DPP8: variants seen among roughly 807,000 people sequenced by gnomAD.
DPP8 encodes the protein DPP VIII.
A neutral mutation model predicts 107.5 loss-of-function variants in DPP8; 31 were observed. That is an observed-to-expected ratio of 0.29 (90% confidence interval 0.22 to 0.39). The LOEUF (loss-of-function observed/expected upper bound fraction) is 0.39. Among genes scored for constraint, DPP8 ranks in the 10% least tolerant of loss-of-function variants. The probability of loss-of-function intolerance (pLI) is 1.00; values close to 1 mark genes in which losing one functional copy is unlikely to be tolerated. For missense variants in DPP8, 842 were observed against 1,076.1 expected (o/e 0.78, Z 3.04); for synonymous variants, 381 against 356.6 (o/e 1.07, Z -0.77).
At position 65,507,656 on chromosome 15, in the gene DPP8, T is replaced by TAAA. The variant is rs746039694; in HGVS notation, c.260-304_260-302dup. Among the ~76,000 whole-genome samples, 34 of 105,230 alleles carry TAAA rather than the reference T, an allele frequency of 3.2e-4. No homozygotes were observed. In the East Asian group the frequency reaches 4.5e-3, roughly 14 times the overall value. The allele number at this position is 105,230 out of a possible 152,430, so 69.0% of individuals were successfully genotyped here. ...TGGGTAACATAGCAAGATCCCAACTTAAAAAAAAAAAAAAAAAAAAGAAAT... is the reference window on the plus strand; with the variant it reads ...TGGGTAACATAGCAAGATCCCAACTTAAAAAAAAAAAAAAAAAAAAAAAGAAAT... On this transcript the variant is annotated intron_variant, in intron 2 of 19. Coordinates refer to ENST00000300141, the MANE Select transcript of DPP8 (RefSeq NM_130434.5).
intron 15 of DPP8, among the ~76,000 whole-genome samples, chr15:65,457,348 T>C (rs1468611041): frequency 1.3e-5 from 2 of 151,920 alleles, no homozygotes; most frequent in Admixed American, 6.6e-5. Context: ...ACAGTGAGAC[T>C]CTGTCTCAAA....
chr15:65,485,536 C>T (rs1174120617), intron 7 of DPP8, among the ~76,000 whole-genome samples: 1 of 120,614 alleles, frequency 8.3e-6, no homozygotes, highest in Non-Finnish European at 1.6e-5. Context: ...AAGAGCGAGA[C>T]TCCATCTCAA....
chr15:65,460,128 A>T (rs1042185333), intron 15 of DPP8, among the ~76,000 whole-genome samples: 1 of 152,096 alleles, frequency 6.6e-6, no homozygotes, highest in African/African-American at 2.4e-5. Context: ...TTCATCACCC[A>T]AACAGAAATT....
Position 65,503,914 on chromosome 15 carries a change from C to T in DPP8, c.373-3135G>A, listed in dbSNP as rs139012754. On this transcript the variant is annotated intron_variant, in intron 3 of 19. Transcript: ENST00000300141. ...TGCTGAGATTACAGGCATAAGCGACCGCACCTGGCCTTTTCTGTATTTTTT... is the reference window on the plus strand; with the variant it reads ...TGCTGAGATTACAGGCATAAGCGACTGCACCTGGCCTTTTCTGTATTTTTT... Among the ~76,000 whole-genome samples, 197 of 152,048 alleles carry T rather than the reference C, an allele frequency of 1.3e-3. 1 individual carries two copies. Among genetic ancestry groups the T allele is most frequent in the African/African-American group, 4.5e-3 (188 of 41,512 alleles).
At chr15:65,470,560 C>G (rs189741764) in intron 12 of DPP8, among the ~76,000 whole-genome samples, 35 of 145,180 alleles carry the variant, frequency 2.4e-4, no homozygotes, top group African/African-American at 8.8e-4. Context: ...GAGCCAACAT[C>G]GCACCATTGC....
At chr15:65,467,035 A>C in intron 13 of DPP8, 36 bp downstream of exon 13, 1 of 1,610,458 alleles carries the variant, frequency 6.2e-7, no homozygotes, top group East Asian at 2.2e-5. Context: ...GAGAGTTTTA[A>C]TATGACACAA....
At chr15:65,470,883 T>C (rs2065824783) in intron 12 of DPP8, among the ~76,000 whole-genome samples, 2 of 147,098 alleles carry the variant, frequency 1.4e-5, no homozygotes, top group South Asian at 2.1e-4. Flanking sequence ...CATGCCACTG[T>C]ACTCCAACCT....
At chr15:65,471,146 G>A (rs2065859877) in intron 12 of DPP8, among the ~76,000 whole-genome samples, 1 of 152,076 alleles carries the variant, frequency 6.6e-6, no homozygotes, top group African/African-American at 2.4e-5. Flanking sequence ...CATCAGTGTA[G>A]TTTTCTGTTT....
chr15:65,447,104 T>A, intron 19 of DPP8, 98 bp from the exon 20 acceptor site: 1 of 880,016 alleles, frequency 1.1e-6, no homozygotes, highest in South Asian at 1.8e-5. Flanking sequence ...GGATTAATAA[T>A]ACGAAGCACA....
Position 65,503,871 on chromosome 15 carries a change from C to T in DPP8, c.373-3092G>A, listed in dbSNP as rs541403319. 1.4e-3 allele frequency among the ~76,000 whole-genome samples: 209 copies of T among 151,632 alleles called. 1 individual carries two copies. Among genetic ancestry groups the T allele is most frequent in the African/African-American group, 4.7e-3 (195 of 41,358 alleles). Reference sequence around the variant, plus strand: ...AACTCCTGACTTCAAGTGATCCACCCGCCTCAGCCTCCCAAAGTGCTGAGA... The same window carrying T: ...AACTCCTGACTTCAAGTGATCCACCTGCCTCAGCCTCCCAAAGTGCTGAGA... On this transcript the variant is annotated intron_variant, in intron 3 of 19. Transcript: ENST00000300141.
chr15:65,508,366 T>C (rs1285555251), intron 2 of DPP8, among the ~76,000 whole-genome samples: 3 of 152,154 alleles, frequency 2.0e-5, no homozygotes, highest in Non-Finnish European at 4.4e-5. Context: ...TGTCCTTTAT[T>C]GGGGAAGGGC....
chr15:65,454,136 CAAAAAAAAA>C (rs370866269), intron 17 of DPP8, 118 bp downstream of exon 17: 58 of 352,414 alleles, frequency 1.6e-4, no homozygotes, highest in Non-Finnish European at 1.3e-4. Flanking sequence ...GACTTCGTCT[CAAAAAAAAA>C]AAAAAAAAAA....
Position 65,497,991 on chromosome 15 carries a change from G to C in DPP8, c.588C>G (p.Pro196=), listed in dbSNP as rs1430838289. ...LRPNLVETSC[P]NIRMDPKLCP... ...ATAATTTTGGATCCATCCGTATGTT[G>C]GGACAACTAGTTTCCACTAGATTGG... Residue 196 remains proline, a synonymous_variant, in exon 5 of 20, where the codon CCC becomes CCG. Transcript: ENST00000300141. The C allele has an allele frequency of 6.2e-7, 1 of 1,609,208 alleles. No individual in the cohort carries two copies. Among genetic ancestry groups the C allele is most frequent in the Admixed American group, 1.7e-5 (1 of 59,750 alleles).
At chr15:65,459,917 T>C (rs1229275249) in intron 15 of DPP8, among the ~76,000 whole-genome samples, 1 of 151,860 alleles carries the variant, frequency 6.6e-6, no homozygotes, top group Admixed American at 6.6e-5. Flanking sequence ...ATCGTGCCAC[T>C]GCGCCCCAGC....
At position 65,446,870 on chromosome 15, in the gene DPP8, T is replaced by C; in HGVS notation, c.*14A>G. Reference sequence around the variant, plus strand: ...ATAGCCAGTGTATACCAGAGAGTTCTACACAGGTCAAAATTATATCACTTT... The same window carrying C: ...ATAGCCAGTGTATACCAGAGAGTTCCACACAGGTCAAAATTATATCACTTT... On this transcript the variant is annotated 3_prime_UTR_variant, in exon 20 of 20. Coordinates refer to ENST00000300141, the MANE Select transcript of DPP8 (RefSeq NM_130434.5). 6.2e-7 allele frequency: 1 copy of C among 1,606,764 alleles called. No individual in the cohort carries two copies. The highest frequency in any genetic ancestry group is 1.1e-5 in the South Asian group (1 of 89,506).
At chr15:65,454,112 G>A (rs1446604268) in intron 17 of DPP8, 151 bp downstream of exon 17, 5 of 500,194 alleles carry the variant, frequency 1.0e-5, no homozygotes, top group East Asian at 3.9e-5. Context: ...ACTCCAGCCC[G>A]GGTTACAGAG....
rs990715649 is a variant in DPP8, at chr15:65,509,425, A to T, written c.260-2070T>A. Among the ~76,000 whole-genome samples, 32 of 152,218 alleles carry T rather than the reference A, an allele frequency of 2.1e-4. 1 individual carries two copies. The East Asian group carries it at 2.9e-3, about 14-fold the overall frequency. On this transcript the variant is annotated intron_variant, in intron 2 of 19. Coordinates refer to ENST00000300141, the MANE Select transcript of DPP8 (RefSeq NM_130434.5). ...CTTGGCTTTATCCATGACCAGTAAA[A>T]ATTTCCCCAGCACATTCTATGTTCT...
intron 12 of DPP8, among the ~76,000 whole-genome samples, chr15:65,468,073 T>G (rs950982281): frequency 6.6e-6 from 1 of 152,148 alleles, no homozygotes; most frequent in African/African-American, 2.4e-5. Context: ...CATTCAGAAC[T>G]CAAAAAAACC....
At chr15:65,494,208 C>T (rs1392310222) in intron 5 of DPP8, among the ~76,000 whole-genome samples, 1 of 130,382 alleles carries the variant, frequency 7.7e-6, no homozygotes, top group Admixed American at 8.9e-5. Context: ...GGCGGGAGTG[C>T]AGTGGTGCAA....
Sources: allele counts gnomAD v4.1 joint callset (sites outside exome capture counted in the v4.1 genomes callset), GRCh38; gene constraint gnomAD v4.1.1; transcripts MANE v1.5; gene names NCBI Gene and HGNC (gene_info 2026-07-23, HGNC 2026-07-21).